Variants in ME1 observed in about 807,000 individuals in gnomAD.
ME1 encodes the protein malic enzyme 1, also known as NADP-dependent malic enzyme.
A neutral mutation model predicts 66.4 loss-of-function variants in ME1; 74 were observed. That is an observed-to-expected ratio of 1.11 (90% CI 0.92 to 1.35). The LOEUF (loss-of-function observed/expected upper bound fraction) is 1.35, where lower values mean the gene tolerates loss of function less well. Ranked by LOEUF, ME1 falls within the 40% of genes most tolerant of loss-of-function variation. ME1 has a pLI of 0.00. For missense variants in ME1, 750 were observed against 694.1 expected, an observed-to-expected ratio of 1.08 and a Z score of -0.90; for synonymous variants, 251 against 235.6, an observed-to-expected ratio of 1.07 and a Z score of -0.60.
intron 5 of ME1, among the ~76,000 whole-genome samples, chr6:83,318,688 C>T (rs1349446183): frequency 1.6e-3 from 42 of 25,690 alleles, no homozygotes; most frequent in Non-Finnish European, 1.7e-3. Context: ...AATAGGAACA[C>T]TTTTACACTG....
intron 3 of ME1, among the ~76,000 whole-genome samples, chr6:83,375,966 C>T (rs932427533): frequency 5.9e-5 from 9 of 151,632 alleles, no homozygotes; most frequent in Non-Finnish European, 1.3e-4. Flanking sequence ...TACGTACTTC[C>T]AAGTAATATC....
intron 3 of ME1, among the ~76,000 whole-genome samples, chr6:83,367,704 C>T (rs1318302557): frequency 6.6e-6 from 1 of 152,210 alleles, no homozygotes; most frequent in Non-Finnish European, 1.5e-5. Flanking sequence ...AGAGTTAGGG[C>T]TTGCTCTGGA....
intron 6 of ME1, among the ~76,000 whole-genome samples, chr6:83,292,293 T>G (rs1562471588): frequency 6.6e-6 from 1 of 152,194 alleles, no homozygotes; most frequent in African/African-American, 2.4e-5. Flanking sequence ...GACCTACGAA[T>G]AGGGTTTTGG....
At chr6:83,294,800 C>G (rs752336384) in intron 6 of ME1, among the ~76,000 whole-genome samples, 1 of 152,200 alleles carries the variant, frequency 6.6e-6, no homozygotes, top group East Asian at 1.9e-4. Flanking sequence ...TGCCGCCCCC[C>G]ATCCCAGGGC....
chr6:83,301,173 T>C (rs1304429497), intron 6 of ME1, among the ~76,000 whole-genome samples: 3 of 139,142 alleles, frequency 2.2e-5, no homozygotes. Context: ...TGTGCACATG[T>C]ACCCTAGAAC....
At chr6:83,353,978 G>A (rs1327438448) in intron 3 of ME1, among the ~76,000 whole-genome samples, 2 of 152,014 alleles carry the variant, frequency 1.3e-5, no homozygotes, top group African/African-American at 2.4e-5. Context: ...TACCACATTT[G>A]CCTACGTTTC....
At chr6:83,408,129 T>A (rs952613098) in intron 1 of ME1, among the ~76,000 whole-genome samples, 1 of 152,132 alleles carries the variant, frequency 6.6e-6, no homozygotes, top group Non-Finnish European at 1.5e-5. Context: ...CACTCAGAGA[T>A]AATTAGGATA....
intron 6 of ME1, among the ~76,000 whole-genome samples, chr6:83,271,283 C>T (rs141393597): frequency 1.5e-3 from 227 of 152,292 alleles, no homozygotes; most frequent in African/African-American, 5.2e-3. Flanking sequence ...TGACAATTTA[C>T]AGACACAAAT....
At chr6:83,423,244 A>C (rs13197684) in intron 1 of ME1, among the ~76,000 whole-genome samples, 70,148 of 150,650 alleles carry the variant, frequency 0.47, 18,217 homozygotes, top group African/African-American at 0.69. Flanking sequence ...ACTCATTATT[A>C]TATAACTATT....
chr6:83,322,867 C>T (rs371239366), intron 5 of ME1, among the ~76,000 whole-genome samples: 169 of 152,166 alleles, frequency 1.1e-3, no homozygotes, highest in African/African-American at 3.9e-3. Context: ...GATCCACCAT[C>T]GTTGAAATGA....
chr6:83,245,562 T>G (rs905477874), intron 7 of ME1, among the ~76,000 whole-genome samples: 1 of 152,088 alleles, frequency 6.6e-6, no homozygotes, highest in Admixed American at 6.6e-5. Context: ...TGCACCATCA[T>G]GCCCGGCTAA....
At position 83,346,337 on chromosome 6, in the gene ME1, G is replaced by A; in HGVS notation, c.439-3C>T. The A allele has an allele frequency of 3.2e-6, 5 of 1,562,004 alleles. No homozygotes were observed. Among genetic ancestry groups the A allele is most frequent in the East Asian group, 2.3e-5 (1 of 43,666 alleles). Reference sequence around the variant, plus strand: ...TCTCCATCAGTCACCACAATGGCCTGGAAGAAAAAGAAAAATTACCTATTA... The same window carrying A: ...TCTCCATCAGTCACCACAATGGCCTAGAAGAAAAAGAAAAATTACCTATTA... On this transcript the variant is annotated splice_polypyrimidine_tract_variant and splice_region_variant and intron_variant, in intron 4 of 13. Transcript: ENST00000369705.
At chr6:83,344,647 G>C (rs1363650818) in intron 5 of ME1, among the ~76,000 whole-genome samples, 1 of 152,056 alleles carries the variant, frequency 6.6e-6, no homozygotes, top group South Asian at 2.1e-4. Context: ...ACTTTGGGAG[G>C]GCGAGGTGGA....
chr6:83,359,211 C>A (rs1316194337), intron 3 of ME1, among the ~76,000 whole-genome samples: 1 of 152,166 alleles, frequency 6.6e-6, no homozygotes, highest in Non-Finnish European at 1.5e-5. Context: ...GGGAGCTGGG[C>A]AGAGGCGCTC....
chr6:83,326,772 T>C (rs941605898), intron 5 of ME1, among the ~76,000 whole-genome samples: 6 of 152,212 alleles, frequency 3.9e-5, no homozygotes. Flanking sequence ...GAAATGCTTT[T>C]ACACACTGTT....
rs910134075 is a variant in ME1 at position 83,332,866 on chromosome 6, G to A, written c.600+13307C>T. 3.9e-4 allele frequency among the ~76,000 whole-genome samples: 59 copies of A among 152,068 alleles called. 2 individuals carry two copies. Among genetic ancestry groups the A allele is most frequent in the Middle Eastern group, 3.4e-3 (1 of 292 alleles). On this transcript the variant is annotated intron_variant, in intron 5 of 13. Transcript: ENST00000369705. ...GAGTTCACCATTATATAATTCATCCGTGTAACCAAAAACCACTTGTACCCT... is the reference window on the plus strand; with the variant it reads ...GAGTTCACCATTATATAATTCATCCATGTAACCAAAAACCACTTGTACCCT...
chr6:83,291,452 G>C (rs532783400), intron 6 of ME1, among the ~76,000 whole-genome samples: 15 of 152,232 alleles, frequency 9.9e-5, no homozygotes, highest in Non-Finnish European at 1.6e-4. Context: ...TTGGCCCCTA[G>C]CCTCTTCTGG....
intron 7 of ME1, among the ~76,000 whole-genome samples, chr6:83,247,541 AG>A (rs1790647227): frequency 6.6e-6 from 1 of 152,020 alleles, no homozygotes; most frequent in Admixed American, 6.6e-5. Context: ...AAAAAAAAAA[AG>A]AAAAGAGTCC....
intron 3 of ME1, among the ~76,000 whole-genome samples, chr6:83,369,628 A>G (rs1769157328): frequency 6.6e-6 from 1 of 150,590 alleles, no homozygotes; most frequent in African/African-American, 2.5e-5. Context: ...CTTGTCAGAA[A>G]AAGAAAAGAA....
Sources: gnomAD v4.1 joint callset for allele counts (sites outside exome capture counted in the v4.1 genomes callset) on GRCh38, gnomAD v4.1.1 for gene constraint, MANE v1.5 for transcripts, NCBI Gene and HGNC (gene_info 2026-07-23, HGNC 2026-07-21) for gene names.